PARN: variants seen among roughly 807,000 people sequenced by gnomAD.
The protein encoded by PARN is poly(A)-specific ribonuclease PARN.
A neutral mutation model predicts 102.8 loss-of-function variants in PARN; 71 were observed. That is an observed-to-expected ratio of 0.69 (90% CI 0.57 to 0.84). PARN has a LOEUF of 0.84. Among genes scored for constraint, PARN ranks in the 40% least tolerant of loss-of-function variants. The pLI is 0.00. For synonymous variants in PARN, 261 were observed against 252.9 expected, an observed-to-expected ratio of 1.03 and a Z score of -0.30; for missense variants, 782 against 760.9, an observed-to-expected ratio of 1.03 and a Z score of -0.33.
At chr16:14,563,614 G>C (rs948934370) in intron 18 of PARN, among the ~76,000 whole-genome samples, 17 of 151,320 alleles carry the variant, frequency 1.1e-4, no homozygotes, top group Non-Finnish European at 2.2e-4. Context: ...TGTTGCCCAA[G>C]CAAGACTCAA....
intron 18 of PARN, among the ~76,000 whole-genome samples, chr16:14,563,621 T>G (rs1261494600): frequency 6.6e-6 from 1 of 151,568 alleles, no homozygotes; most frequent in African/African-American, 2.4e-5. Flanking sequence ...CAAGCAAGAC[T>G]CAAACTCAGT....
chr16:14,483,518 T>C (rs1963492497), intron 21 of PARN, among the ~76,000 whole-genome samples: 1 of 152,172 alleles, frequency 6.6e-6, no homozygotes, highest in African/African-American at 2.4e-5. Context: ...TGGAGGTGCT[T>C]TATTATTTTC....
chr16:14,444,060 T>C (rs895418042), intron 23 of PARN, among the ~76,000 whole-genome samples: 1 of 152,230 alleles, frequency 6.6e-6, no homozygotes, highest in African/African-American at 2.4e-5. Flanking sequence ...TCACTCATTA[T>C]GGGACCTTAT....
chr16:14,471,497 G>A (rs1962738476), intron 22 of PARN, among the ~76,000 whole-genome samples: 1 of 152,258 alleles, frequency 6.6e-6, no homozygotes, highest in African/African-American at 2.4e-5. Context: ...AGTATTCCAA[G>A]TTGTCTGAAT....
chr16:14,543,953 G>A (rs1966857213), intron 21 of PARN, among the ~76,000 whole-genome samples: 1 of 152,206 alleles, frequency 6.6e-6, no homozygotes, highest in Admixed American at 6.5e-5. Context: ...CCAGCACTTT[G>A]GGAGGCCAAC....
At chr16:14,605,067 G>C (rs1971101037) in intron 10 of PARN, among the ~76,000 whole-genome samples, 2 of 152,004 alleles carry the variant, frequency 1.3e-5, no homozygotes, top group Admixed American at 1.3e-4. Flanking sequence ...AGCCTCCTGA[G>C]TAGCTGGGAC....
At chr16:14,525,019 A>G (rs558166379) in intron 21 of PARN, among the ~76,000 whole-genome samples, 1 of 152,264 alleles carries the variant, frequency 6.6e-6, no homozygotes, top group Non-Finnish European at 1.5e-5. Flanking sequence ...AAAACAGTCT[A>G]TAACAGAAAC....
chr16:14,622,424 A>C (rs1972367697), intron 5 of PARN, among the ~76,000 whole-genome samples: 1 of 152,252 alleles, frequency 6.6e-6, no homozygotes, highest in Non-Finnish European at 1.5e-5. Context: ...CTGATCAAAC[A>C]AATTATACGT....
chr16:14,522,487 C>A (rs1965788203), intron 21 of PARN, among the ~76,000 whole-genome samples: 1 of 152,054 alleles, frequency 6.6e-6, no homozygotes, highest in African/African-American at 2.4e-5. Flanking sequence ...TCAGCATGGG[C>A]AGCACAGTGA....
intron 10 of PARN, among the ~76,000 whole-genome samples, chr16:14,605,308 A>G (rs1355825035): frequency 6.6e-6 from 1 of 152,214 alleles, no homozygotes; most frequent in Non-Finnish European, 1.5e-5. Flanking sequence ...AAGTTGAGCT[A>G]ATGCATTACA....
intron 21 of PARN, among the ~76,000 whole-genome samples, chr16:14,531,314 A>G (rs1423607821): frequency 6.6e-6 from 1 of 151,888 alleles, no homozygotes; most frequent in African/African-American, 2.4e-5. Flanking sequence ...GTGAGGTGAG[A>G]TCACACCACC....
At chr16:14,580,162 G>C (rs1046667227) in intron 18 of PARN, among the ~76,000 whole-genome samples, 8 of 152,102 alleles carry the variant, frequency 5.3e-5, no homozygotes, top group African/African-American at 1.9e-4. Context: ...AGTAGAGATG[G>C]GGTTTCACCG....
chr16:14,530,963 GCATTCATT>G (rs1356637566), intron 21 of PARN, among the ~76,000 whole-genome samples: 1 of 147,086 alleles, frequency 6.8e-6, no homozygotes. Context: ...ATTCATGCAT[GCATTCATT>G]CATTCATCCA....
At position 14,436,320 on chromosome 16, in the gene PARN, A is replaced by T; in HGVS notation, c.*397T>A. On this transcript the variant is annotated 3_prime_UTR_variant, in exon 24 of 24. Coordinates refer to ENST00000437198, the MANE Select transcript of PARN (RefSeq NM_002582.4). The stretch of plus-strand genomic sequence containing the variant: ...GTGCGAGAAGATGCACAGGCAGGAC[A>T]GTACACCCCCAAATTCATGATCACA... 4.9e-6 allele frequency: 1 copy of T among 203,176 alleles called. No individual in the cohort carries two copies. The highest frequency in any genetic ancestry group is 5.4e-5 in the Admixed American group (1 of 18,460). The allele number at this position is 203,176 out of a possible 1,614,324, so 12.6% of individuals were successfully genotyped here. A position where few individuals can be genotyped will look rare whatever the true frequency, so the allele number is the denominator to read the frequency against.
intron 22 of PARN, among the ~76,000 whole-genome samples, chr16:14,470,631 G>A (rs1962680863): frequency 6.6e-6 from 1 of 150,628 alleles, no homozygotes; most frequent in African/African-American, 2.4e-5. Context: ...GCTAACTTTT[G>A]TAATTTTTGT....
intron 21 of PARN, among the ~76,000 whole-genome samples, chr16:14,542,345 A>AG (rs1213662878): frequency 6.6e-6 from 1 of 151,176 alleles, no homozygotes; most frequent in Non-Finnish European, 1.5e-5. Flanking sequence ...TTTAAGAGAC[A>AG]GGGTCTCGCT....
At chr16:14,531,514 T>G (rs1326403033) in intron 21 of PARN, among the ~76,000 whole-genome samples, 1 of 152,218 alleles carries the variant, frequency 6.6e-6, no homozygotes, top group Non-Finnish European at 1.5e-5. Flanking sequence ...CTATGTAGCA[T>G]TTATAGATGT....
chr16:14,530,975 T>TCATC (rs56403427), intron 21 of PARN, among the ~76,000 whole-genome samples: 3,623 of 151,482 alleles, frequency 0.024, 48 homozygotes, highest in East Asian at 0.071. Context: ...ATTCATTCAT[T>TCATC]CATCCATCCA....
At chr16:14,465,675 G>A (rs908818548) in intron 22 of PARN, among the ~76,000 whole-genome samples, 1 of 151,998 alleles carries the variant, frequency 6.6e-6, no homozygotes, top group Non-Finnish European at 1.5e-5. Context: ...GAAGTTCATA[G>A]GGAAATACAA....
Sources: allele counts gnomAD v4.1 joint callset (sites outside exome capture counted in the v4.1 genomes callset), GRCh38; gene constraint gnomAD v4.1.1; transcripts MANE v1.5; gene names NCBI Gene and HGNC (gene_info 2026-07-23, HGNC 2026-07-21).